Variants in GALNT9 observed in about 807,000 individuals in gnomAD.
The protein encoded by GALNT9 is polypeptide N-acetylgalactosaminyltransferase 9, also known as GalNAc transferase 9.
Under a neutral mutation model 63.1 loss-of-function variants are expected in GALNT9, and 47 were observed. That is an observed-to-expected ratio of 0.75 (90% CI 0.59 to 0.95). GALNT9 has a LOEUF of 0.95. Ranked by LOEUF, GALNT9 falls within the 40% of genes least tolerant of loss-of-function variation. The pLI, the probability that GALNT9 is intolerant of heterozygous loss-of-function variation, is 0.00. For synonymous variants in GALNT9, 396 were observed against 365.7 expected (o/e 1.08, Z -0.94); for missense variants, 829 against 874.8 (o/e 0.95, Z 0.66).
intron 4 of GALNT9, among the ~76,000 whole-genome samples, chr12:132,258,755 G>A (rs1319669403): frequency 4.6e-5 from 7 of 152,190 alleles, no homozygotes; most frequent in East Asian, 3.8e-4. Context: ...TCGATTCCCC[G>A]TCCCAAGCAG....
At position 132,305,523 on chromosome 12, in the gene GALNT9, A is replaced by G. The variant is rs1256525857; in HGVS notation, c.239-19093T>C. Among the ~76,000 whole-genome samples, 87 of 108,234 alleles carry G rather than the reference A, an allele frequency of 8.0e-4. 11 individuals are homozygous for G. The highest frequency in any genetic ancestry group is 2.9e-3 in the African/African-American group (75 of 26,060). The allele number at this position is 108,234 out of a possible 152,430, so 71.0% of individuals were successfully genotyped here. A position where few individuals can be genotyped will look rare whatever the true frequency, so the allele number is the denominator to read the frequency against. ...CACACCCTCACCCGGGCACAGCCTC[A>G]CCCGGGCACACCCTCACCCGGGCAC... On this transcript the variant is annotated intron_variant, in intron 1 of 10. Transcript: ENST00000328957.
At position 132,197,080 on chromosome 12, in the gene GALNT9, T is replaced by C; in HGVS notation, c.*27A>G. The C allele has an allele frequency of 1.2e-6, 2 of 1,612,150 alleles. No individual in the cohort carries two copies. The highest frequency in any genetic ancestry group is 1.7e-6 in the Non-Finnish European group (2 of 1,178,848). On this transcript the variant is annotated 3_prime_UTR_variant, in exon 11 of 11. Transcript: ENST00000328957. ...GGCTCGGCCCAGCGCCTTCCCGAGG[T>C]CTGTGGGGGTCCGGGCGGAGGTGGG... is the stretch of plus-strand genomic sequence containing the variant.
intron 2 of GALNT9, among the ~76,000 whole-genome samples, chr12:132,263,689 C>CAGCT (rs1289790319): frequency 6.6e-6 from 1 of 152,216 alleles, no homozygotes; most frequent in Non-Finnish European, 1.5e-5. Flanking sequence ...CAGCTCTATA[C>CAGCT]CAAGAACCCA....
chr12:132,217,362 CA>C (rs1214006410), intron 6 of GALNT9, among the ~76,000 whole-genome samples: 1 of 151,192 alleles, frequency 6.6e-6, no homozygotes, highest in African/African-American at 2.4e-5. Context: ...TTTATCCATC[CA>C]TCTACCTACT....
chr12:132,310,358 C>T lies in GALNT9; in HGVS notation c.238+18608G>A, dbSNP rs1377611942. Among the ~76,000 whole-genome samples, 2 of 152,202 alleles carry T rather than the reference C, an allele frequency of 1.3e-5. No individual in the cohort carries two copies. The highest frequency in any genetic ancestry group is 2.9e-5 in the Non-Finnish European group (2 of 68,036). ...TGTCAGGGACTCTGAGTTCCCTCAC[C>T]CAGAGGAGCCGGGGCTGAGTGCCAG... On this transcript the variant is annotated intron_variant, in intron 1 of 10. Coordinates refer to ENST00000328957, the MANE Select transcript of GALNT9 (RefSeq NM_001122636.2). The surrounding 1 kb of genome is among the most constrained non-coding windows in gnomAD (Gnocchi z 4.8).
rs1555246713 is a variant in GALNT9, at chr12:132,328,988, C to A, written c.216G>T (p.Glu72Asp). ...AILQRLDHLE[E>D]VVYNQLNGLA... ...CACCGTTGAGCTGGTTGTAGACCAC[C>A]TCCTCCAGGTGGTCCAGGCGCTGCA... is the stretch of plus-strand genomic sequence containing the variant. Residue 72 changes from glutamate to aspartate, a missense_variant, in exon 1 of 11, where the codon GAG becomes GAT. Coordinates refer to ENST00000328957, the MANE Select transcript of GALNT9 (RefSeq NM_001122636.2). The A allele has an allele frequency of 6.5e-7, 1 of 1,538,990 alleles. No individual in the cohort carries two copies. The highest frequency in any genetic ancestry group is 2.0e-5 in the Admixed American group (1 of 50,752).
chr12:132,267,394 G>A (rs1879641330), intron 2 of GALNT9, among the ~76,000 whole-genome samples: 1 of 152,244 alleles, frequency 6.6e-6, no homozygotes, highest in African/African-American at 2.4e-5. Context: ...CAGCAGACAG[G>A]AGGATGGGAG....
chr12:132,303,590 C>T (rs1181216495), intron 1 of GALNT9, among the ~76,000 whole-genome samples: 66 of 92,460 alleles, frequency 7.1e-4, no homozygotes, highest in Middle Eastern at 6.1e-3. Flanking sequence ...CACCCTCGCC[C>T]GGGCACACCC....
chr12:132,202,608 G>A (rs73486336), intron 7 of GALNT9, among the ~76,000 whole-genome samples: 2,522 of 151,518 alleles, frequency 0.017, 67 homozygotes, highest in African/African-American at 0.059. Context: ...GTGGACAGAT[G>A]TAAATGTATG....
At chr12:132,199,682 C>T (rs979681708) in intron 8 of GALNT9, among the ~76,000 whole-genome samples, 1 of 152,144 alleles carries the variant, frequency 6.6e-6, no homozygotes. Flanking sequence ...AGCTTCCACT[C>T]TGTCTTGGAA....
At chr12:132,206,348 G>A (rs1232898183) in intron 6 of GALNT9, among the ~76,000 whole-genome samples, 1 of 152,092 alleles carries the variant, frequency 6.6e-6, no homozygotes, top group Non-Finnish European at 1.5e-5. Flanking sequence ...AGAGAGATTA[G>A]TTAAAGGCAC....
intron 6 of GALNT9, among the ~76,000 whole-genome samples, chr12:132,225,693 C>T (rs999307778): frequency 1.2e-4 from 18 of 146,732 alleles, no homozygotes; most frequent in Middle Eastern, 7.6e-3. Flanking sequence ...CGTACACACC[C>T]CATACACACA....
chr12:132,303,270 C>T (rs1267603805), intron 1 of GALNT9, among the ~76,000 whole-genome samples: 1 of 152,164 alleles, frequency 6.6e-6, no homozygotes, highest in East Asian at 1.9e-4. Context: ...ACCCCGGGCA[C>T]CTTGAGCAGC....
At chr12:132,320,439 A>G (rs763584920) in intron 1 of GALNT9, among the ~76,000 whole-genome samples, 4 of 152,238 alleles carry the variant, frequency 2.6e-5, no homozygotes, top group Non-Finnish European at 4.4e-5. Flanking sequence ...TTGAGTTCAT[A>G]TTACTTAACA....
At chr12:132,271,466 C>T (rs1353064093) in intron 2 of GALNT9, among the ~76,000 whole-genome samples, 1 of 152,206 alleles carries the variant, frequency 6.6e-6, no homozygotes, top group East Asian at 1.9e-4. Context: ...AGATTGTCCT[C>T]TTTAAAACAA....
chr12:132,309,695 G>A (rs550827332), intron 1 of GALNT9, among the ~76,000 whole-genome samples: 1 of 152,198 alleles, frequency 6.6e-6, no homozygotes, highest in Non-Finnish European at 1.5e-5. Flanking sequence ...TGCCCCTGCC[G>A]GCACCGTGAC....
At position 132,265,294 on chromosome 12, in the gene GALNT9, G is replaced by C. The variant is rs1344948467; in HGVS notation, c.420-2669C>G. Reference sequence around the variant, plus strand: ...ACGGGGAGAAAATGACGGCTGGACCGGTCCTCCCCGTGGAAGCCTTTCCTT... The same window carrying C: ...ACGGGGAGAAAATGACGGCTGGACCCGTCCTCCCCGTGGAAGCCTTTCCTT... On this transcript the variant is annotated intron_variant, in intron 2 of 10. Transcript: ENST00000328957. This position sits in a 1 kb window ranked among gnomAD's most constrained non-coding sequence, Gnocchi z 5.3. 6.6e-6 allele frequency among the ~76,000 whole-genome samples: 1 copy of C among 152,156 alleles called. No individual in the cohort carries two copies. Among genetic ancestry groups the C allele is most frequent in the Non-Finnish European group, 1.5e-5 (1 of 68,032 alleles).
At chr12:132,230,301 C>T (rs1320173071) in intron 6 of GALNT9, among the ~76,000 whole-genome samples, 3 of 152,294 alleles carry the variant, frequency 2.0e-5, no homozygotes, top group South Asian at 4.1e-4. Flanking sequence ...TCCGCCTTCC[C>T]GAGTTCCTGA....
chr12:132,227,460 CACAG>C (rs1422447962), intron 6 of GALNT9, among the ~76,000 whole-genome samples: 197 of 152,362 alleles, frequency 1.3e-3, no homozygotes, highest in African/African-American at 4.3e-3. Context: ...ACGCACGCAC[CACAG>C]ACAGAGTCTG....
Sources: gnomAD v4.1 joint callset for allele counts (sites outside exome capture counted in the v4.1 genomes callset) on GRCh38, gnomAD v4.1.1 for gene constraint, Gnocchi (gnomAD v3.1) non-coding constraint, MANE v1.5 for transcripts, NCBI Gene and HGNC (gene_info 2026-07-23, HGNC 2026-07-21) for gene names.